Variants in SYCP2 observed in about 807,000 individuals in gnomAD.
SYCP2 encodes the protein synaptonemal complex protein 2.
In SYCP2, 55 loss-of-function variants were observed where a neutral mutation model predicts 211.3. The observed-to-expected ratio is 0.26, with a 90% confidence interval of 0.21 to 0.33. SYCP2 has a LOEUF of 0.33. Among genes scored for constraint, SYCP2 ranks in the 10% least tolerant of loss-of-function variants. The probability of loss-of-function intolerance (pLI) is 1.00; values close to 1 mark genes in which losing one functional copy is unlikely to be tolerated. For synonymous variants in SYCP2, 570 were observed against 555.2 expected, an observed-to-expected ratio of 1.03 and a Z score of -0.37; for missense variants, 1,731 against 1,752.0, an observed-to-expected ratio of 0.99 and a Z score of 0.21.
intron 7 of SYCP2, among the ~76,000 whole-genome samples, chr20:59,917,582 T>C (rs1198210595): frequency 6.6e-6 from 1 of 152,198 alleles, no homozygotes; most frequent in Non-Finnish European, 1.5e-5. Flanking sequence ...TACATTGTTA[T>C]GTAGCAAAAA....
At chr20:59,911,347 G>A (rs931247590) in intron 14 of SYCP2, among the ~76,000 whole-genome samples, 5 of 152,124 alleles carry the variant, frequency 3.3e-5, no homozygotes, top group African/African-American at 9.7e-5. Context: ...CCAAAGAGAA[G>A]GTTTTATGAA....
At chr20:59,881,723 C>G (rs1187981592) in intron 28 of SYCP2, among the ~76,000 whole-genome samples, 1 of 147,826 alleles carries the variant, frequency 6.8e-6, no homozygotes, top group Admixed American at 6.7e-5. Flanking sequence ...CTTTCTACCC[C>G]ACAATTGCTT....
Position 59,892,424 on chromosome 20 carries a change from T to C in SYCP2, c.1930A>G (p.Ile644Val), listed in dbSNP as rs764506665. 11 of 1,492,788 alleles carry C rather than the reference T, an allele frequency of 7.4e-6. No individual in the cohort carries two copies. The South Asian group carries it at 1.0e-4, about 14-fold the overall frequency. The allele number at this position is 1,492,788 out of a possible 1,614,324, so 92.5% of individuals were successfully genotyped here. A position where few individuals can be genotyped will look rare whatever the true frequency, so the allele number is the denominator to read the frequency against. Residue 644 changes from isoleucine to valine, a missense_variant and splice_region_variant, in exon 24 of 45, where the codon ATT (isoleucine) becomes GTT (valine). By Grantham distance (29) the Ile-to-Val change is conservative (BLOSUM62 3). Coordinates refer to ENST00000357552, the MANE Select transcript of SYCP2 (RefSeq NM_014258.4). ...TSSGDTLNQD[I>V]VINKKLTKQK... is the part of the protein sequence containing the mutation. ...TTAGTAAGTTTTTTATTTATAACAA[T>C]ATCTATTGGGGAAAATGAGAAATTA...
Position 59,920,435 on chromosome 20 carries a change from C to G in SYCP2, c.221G>C (p.Gly74Ala). 6.2e-7 allele frequency: 1 copy of G among 1,609,110 alleles called. No homozygotes were observed. Among genetic ancestry groups the G allele is most frequent in the Non-Finnish European group, 8.5e-7 (1 of 1,176,794 alleles). The change falls in exon 5 of 45, where the codon GGA becomes GCA. Residue 74 changes from glycine (G) to alanine (A), a missense_variant. Around this residue, in one of 3 missense-constraint regions of SYCP2, gnomAD observed 335 missense variants for 378.8 expected, o/e 0.88. Coordinates refer to ENST00000357552, the MANE Select transcript of SYCP2 (RefSeq NM_014258.4). ...TACACTGATATTTTTGCCACATCTTCCAACAGAAACCAAAATGGCTGAAAC... is the reference window on the plus strand; with the variant it reads ...TACACTGATATTTTTGCCACATCTTGCAACAGAAACCAAAATGGCTGAAAC... ...HNVSAILVSV[G>A]RCGKNISVLG...
chr20:59,902,056 T>C (rs2145785941), intron 15 of SYCP2, among the ~76,000 whole-genome samples: 1 of 152,190 alleles, frequency 6.6e-6, no homozygotes, highest in East Asian at 1.9e-4. Flanking sequence ...TAAGATAGAA[T>C]CCTAAATACA....
At chr20:59,908,812 C>T (rs181374318) in intron 14 of SYCP2, among the ~76,000 whole-genome samples, 3 of 152,174 alleles carry the variant, frequency 2.0e-5, no homozygotes, top group Admixed American at 2.0e-4. Context: ...TTTCCTTCAA[C>T]CTCTCCCTAT....
Position 59,886,764 on chromosome 20 carries a change from T to A in SYCP2, c.2435A>T (p.Tyr812Phe). 1 of 1,591,592 alleles carries A rather than the reference T, an allele frequency of 6.3e-7. No homozygotes were observed. The stretch of plus-strand genomic sequence containing the variant: ...AGACTTGATGTCATCTTTTGTTTTG[T>A]ATCTTTTATTGATTTGGCTTATCAA... The part of the protein sequence containing the change: ...ESLISQINKR[Y>F]KTKDDIKSTR... The change falls in exon 25 of 45, where the codon TAC (tyrosine) becomes TTC (phenylalanine). Residue 812 changes from tyrosine (Y) to phenylalanine (F), a missense_variant. Tyr to Phe is a conservative substitution (Grantham distance 22). Transcript: ENST00000357552.
intron 24 of SYCP2, among the ~76,000 whole-genome samples, chr20:59,888,513 G>A (rs187668989): frequency 5.4e-4 from 82 of 152,120 alleles, no homozygotes; most frequent in African/African-American, 1.9e-3. Flanking sequence ...TTGATAAAGA[G>A]CATCTACAAA....
rs1437901013 is a variant in SYCP2, at chr20:59,863,672, G to GT, written c.*638_*639insA. Reference sequence around the variant, plus strand: ...AATTAATCTAGCAAGATATTACAATGACTACTAGATTAAAAGTATTTGTCA... The same window carrying GT: ...AATTAATCTAGCAAGATATTACAATGTACTACTAGATTAAAAGTATTTGTCA... On this transcript the variant is annotated 3_prime_UTR_variant, in exon 45 of 45. Coordinates refer to ENST00000357552, the MANE Select transcript of SYCP2 (RefSeq NM_014258.4). 1.3e-5 allele frequency: 2 copies of GT among 151,776 alleles called. No homozygotes were observed. The highest frequency in any genetic ancestry group is 2.9e-5 in the Non-Finnish European group (2 of 67,862). The allele number at this position is 151,776 out of a possible 1,614,324, so 9.4% of individuals were successfully genotyped here.
intron 26 of SYCP2, among the ~76,000 whole-genome samples, chr20:59,882,938 T>C (rs888800090): frequency 1.6e-4 from 24 of 152,206 alleles, no homozygotes; most frequent in African/African-American, 4.3e-4. Context: ...ATAATGTGCA[T>C]TTTTAAATAT....
In SYCP2 at chr20:59,867,765, C is replaced by T; in HGVS notation, c.4071G>A (p.Glu1357=). The T allele has an allele frequency of 6.2e-7, 1 of 1,610,282 alleles. No individual in the cohort carries two copies. Reference sequence around the variant, plus strand: ...GCCTCTCGTAAGTCTCATAAGTCATCTCTATCCCTGCAAATTCATTTTGCC... The same window carrying T: ...GCCTCTCGTAAGTCTCATAAGTCATTTCTATCCCTGCAAATTCATTTTGCC... ...ETWQNEFAGI[E]MTYETYERLN... Residue 1357 remains glutamate (E), a synonymous_variant, in exon 39 of 45, where the codon GAG becomes GAA. Transcript: ENST00000357552.
At chr20:59,911,379 T>TCA (rs2145832317) in intron 14 of SYCP2, among the ~76,000 whole-genome samples, 1 of 152,348 alleles carries the variant, frequency 6.6e-6, no homozygotes, top group African/African-American at 2.4e-5. Context: ...GGTCCACTTG[T>TCA]CACTGTCTGT....
intron 2 of SYCP2, among the ~76,000 whole-genome samples, chr20:59,929,886 A>C (rs913851556): frequency 6.6e-6 from 1 of 152,178 alleles, no homozygotes; most frequent in Non-Finnish European, 1.5e-5. Flanking sequence ...AGTGTAGTAA[A>C]GCATGGTGTC....
chr20:59,924,570 T>C (rs2060598875), intron 2 of SYCP2, among the ~76,000 whole-genome samples: 1 of 151,902 alleles, frequency 6.6e-6, no homozygotes, highest in Admixed American at 6.6e-5. Flanking sequence ...CAAAACATCT[T>C]ACATACTCCA....
intron 25 of SYCP2, 87 bp downstream of exon 25, chr20:59,886,620 C>A (rs926499464): frequency 4.1e-6 from 4 of 967,206 alleles, no homozygotes; most frequent in Non-Finnish European, 5.8e-6. Context: ...ATTATCTGAA[C>A]CTATGTTTAA....
At chr20:59,904,692 G>A (rs1232928802) in intron 15 of SYCP2, among the ~76,000 whole-genome samples, 1 of 152,084 alleles carries the variant, frequency 6.6e-6, no homozygotes, top group Non-Finnish European at 1.5e-5. Context: ...GACTATATTA[G>A]TCTGTATTAG....
Position 59,867,813 on chromosome 20 carries a change from G to T in SYCP2, c.4023C>A (p.Asp1341Glu), listed in dbSNP as rs78462832. The T allele has an allele frequency of 4.6e-5, 74 of 1,608,660 alleles. No homozygotes were observed. Among genetic ancestry groups the T allele is most frequent in the Non-Finnish European group, 6.2e-5 (73 of 1,176,600 alleles). Residue 1341 changes from aspartate (D) to glutamate (E), a missense_variant, in exon 39 of 45, where the codon GAC becomes GAA. By Grantham distance (45) the Asp-to-Glu change is conservative. Coordinates refer to ENST00000357552, the MANE Select transcript of SYCP2 (RefSeq NM_014258.4). Reference sequence around the variant, plus strand: ...GCCAGGTCTCCCAAGGAATAGAAAAGTCATTTGTTGATAATGAAGATACAC... The same window carrying T: ...GCCAGGTCTCCCAAGGAATAGAAAATTCATTTGTTGATAATGAAGATACAC... ...SESVSSLSTNDFSIPWETWQN... is the reference protein window; with the variant it reads ...SESVSSLSTNEFSIPWETWQN...
chr20:59,896,315 A>T (rs6513467), intron 19 of SYCP2, 114 bp downstream of exon 19: 57,656 of 588,262 alleles, frequency 0.098, 3,315 homozygotes, highest in Non-Finnish European at 0.12. Flanking sequence ...ATATTTTATC[A>T]ATTTTTATAC....
intron 18 of SYCP2, among the ~76,000 whole-genome samples, chr20:59,899,532 G>A (rs1268388809): frequency 6.6e-6 from 1 of 152,150 alleles, no homozygotes; most frequent in Non-Finnish European, 1.5e-5. Context: ...CAAGGTTTTG[G>A]GTTTAGAGCA....
Sources: gnomAD v4.1 joint callset for allele counts (sites outside exome capture counted in the v4.1 genomes callset) on GRCh38, gnomAD v4.1.1 for gene constraint, gnomAD v4.1.1 regional missense constraint, MANE v1.5 for transcripts, NCBI Gene and HGNC (gene_info 2026-07-23, HGNC 2026-07-21) for gene names.